ERC2: variants seen among roughly 807,000 people sequenced by gnomAD.
The protein encoded by ERC2 is ELKS/RAB6-interacting/CAST family member 2.
A neutral mutation model predicts 114.8 loss-of-function variants in ERC2; 42 were observed. The observed-to-expected ratio is 0.37, with a 90% CI of 0.29 to 0.47. The LOEUF (loss-of-function observed/expected upper bound fraction) is 0.47, where lower values mean the gene tolerates loss of function less well. Among genes scored for constraint, ERC2 ranks in the 20% least tolerant of loss-of-function variants. ERC2 has a pLI of 0.99. For missense variants in ERC2, 939 were observed against 1,150.7 expected (o/e 0.82, Z 2.66); for synonymous variants, 454 against 425.5 (o/e 1.07, Z -0.82).
At chr3:56,386,884 ACT>A (rs2059951954) in intron 2 of ERC2, among the ~76,000 whole-genome samples, 1 of 152,116 alleles carries the variant, frequency 6.6e-6, no homozygotes, top group Non-Finnish European at 1.5e-5. Flanking sequence ...TACAGCAGAA[ACT>A]CTTTCATTCC....
chr3:56,029,623 T>C (rs981259218), intron 7 of ERC2, among the ~76,000 whole-genome samples: 9 of 152,158 alleles, frequency 5.9e-5, no homozygotes, highest in African/African-American at 2.2e-4. Flanking sequence ...TAAAGTTGTC[T>C]ACAGTATTCT....
At chr3:55,632,662 C>T (rs556747428) in intron 17 of ERC2, among the ~76,000 whole-genome samples, 1 of 152,244 alleles carries the variant, frequency 6.6e-6, no homozygotes, top group Non-Finnish European at 1.5e-5. Context: ...TTTGGGATGA[C>T]TCAAAAGAAG....
chr3:55,736,583 C>T (rs1212088066), intron 14 of ERC2, among the ~76,000 whole-genome samples: 8 of 152,116 alleles, frequency 5.3e-5, no homozygotes, highest in African/African-American at 1.7e-4. Flanking sequence ...GAAATTGGGA[C>T]CTCATCGATC....
intron 17 of ERC2, among the ~76,000 whole-genome samples, chr3:55,612,444 A>T (rs1288024861): frequency 1.3e-5 from 2 of 152,188 alleles, no homozygotes; most frequent in Non-Finnish European, 2.9e-5. Context: ...CCCAGCATCA[A>T]GAAAAGGATT....
At chr3:55,576,467 G>A (rs2056987013) in intron 17 of ERC2, among the ~76,000 whole-genome samples, 1 of 152,210 alleles carries the variant, frequency 6.6e-6, no homozygotes, top group Admixed American at 6.5e-5. Context: ...GGAAACCGAT[G>A]CTTAGGGAGG....
intron 12 of ERC2, among the ~76,000 whole-genome samples, chr3:55,964,457 C>CTT (rs11384596): frequency 0.01 from 1,532 of 149,046 alleles, 21 homozygotes; most frequent in African/African-American, 0.029. Context: ...AAGCTACAAT[C>CTT]TTTTTTTTTT....
At chr3:55,722,546 A>G (rs1302678300) in intron 15 of ERC2, among the ~76,000 whole-genome samples, 1 of 152,194 alleles carries the variant, frequency 6.6e-6, no homozygotes, top group Non-Finnish European at 1.5e-5. Flanking sequence ...ATTATCGTGC[A>G]ACATGCCCTA....
chr3:55,790,061 C>A (rs369279639), intron 14 of ERC2, among the ~76,000 whole-genome samples: 1 of 152,152 alleles, frequency 6.6e-6, no homozygotes, highest in Non-Finnish European at 1.5e-5. Flanking sequence ...GGCTCTCCCC[C>A]AAACATGAAC....
At chr3:56,264,081 A>G (rs1043667609) in intron 3 of ERC2, among the ~76,000 whole-genome samples, 2 of 152,204 alleles carry the variant, frequency 1.3e-5, no homozygotes, top group Non-Finnish European at 2.9e-5. Flanking sequence ...ATGCACAAAA[A>G]GCATTTAACA....
intron 3 of ERC2, among the ~76,000 whole-genome samples, chr3:56,237,149 C>T (rs187256164): frequency 6.8e-4 from 104 of 152,272 alleles, no homozygotes; most frequent in African/African-American, 2.4e-3. Context: ...ACTCCCCAAC[C>T]CACAAAATAC....
chr3:55,547,570 A>T (rs932714515), intron 17 of ERC2, among the ~76,000 whole-genome samples: 6 of 152,176 alleles, frequency 3.9e-5, no homozygotes, highest in Non-Finnish European at 5.9e-5. Context: ...AATAATGAAG[A>T]TGAACGCTTC....
intron 2 of ERC2, among the ~76,000 whole-genome samples, chr3:56,383,240 T>A (rs1342078244): frequency 6.6e-6 from 1 of 152,142 alleles, no homozygotes; most frequent in African/African-American, 2.4e-5. Flanking sequence ...AGAGGAATCC[T>A]GTTAAAACAT....
intron 17 of ERC2, among the ~76,000 whole-genome samples, chr3:55,515,329 T>C (rs2052414442): frequency 6.6e-6 from 1 of 152,172 alleles, no homozygotes; most frequent in African/African-American, 2.4e-5. Flanking sequence ...TATTTATCTC[T>C]GGGTGGTGGT....
At chr3:55,965,412 G>C (rs2149475440) in intron 12 of ERC2, among the ~76,000 whole-genome samples, 1 of 152,248 alleles carries the variant, frequency 6.6e-6, no homozygotes, top group East Asian at 1.9e-4. Flanking sequence ...GTGGCTAATG[G>C]CTGCCCTATT....
At chr3:55,737,927 G>A (rs13089481) in intron 14 of ERC2, among the ~76,000 whole-genome samples, 32,446 of 152,034 alleles carry the variant, frequency 0.21, 3,986 homozygotes, top group Admixed American at 0.31. Flanking sequence ...AGGCAGGCAT[G>A]TTACTGCCCA....
intron 12 of ERC2, among the ~76,000 whole-genome samples, chr3:55,971,164 C>G (rs563947897): frequency 6.5e-4 from 99 of 151,946 alleles, no homozygotes; most frequent in African/African-American, 2.4e-3. Context: ...TTGCCAGGGG[C>G]TGGGGGAAAG....
intron 14 of ERC2, among the ~76,000 whole-genome samples, chr3:55,775,359 T>C (rs961395846): frequency 2.6e-5 from 4 of 151,798 alleles, no homozygotes; most frequent in African/African-American, 9.7e-5. Flanking sequence ...TGGTAAAACC[T>C]TGTCTCTACT....
At chr3:55,563,681 G>A (rs982469252) in intron 17 of ERC2, among the ~76,000 whole-genome samples, 4 of 152,198 alleles carry the variant, frequency 2.6e-5, no homozygotes, top group African/African-American at 9.7e-5. Flanking sequence ...CCATCTAAAG[G>A]GAGCTTCCTG....
intron 2 of ERC2, among the ~76,000 whole-genome samples, chr3:56,388,809 T>G (rs1576714468): frequency 6.6e-6 from 1 of 152,210 alleles, no homozygotes; most frequent in East Asian, 1.9e-4. Flanking sequence ...CATTCATTTT[T>G]GAACCCTAAC....
Sources: gnomAD v4.1 joint callset for allele counts (sites outside exome capture counted in the v4.1 genomes callset) on GRCh38, gnomAD v4.1.1 for gene constraint, MANE v1.5 for transcripts, NCBI Gene and HGNC (gene_info 2026-07-23, HGNC 2026-07-21) for gene names.